R3HDM1: variants seen among roughly 807,000 people sequenced by gnomAD.
The protein encoded by R3HDM1 is R3H domain-containing protein 1.
A neutral mutation model predicts 141.1 loss-of-function variants in R3HDM1; 46 were observed. The observed-to-expected ratio is 0.33, with a 90% confidence interval of 0.26 to 0.42. R3HDM1 has a LOEUF of 0.42. Among genes scored for constraint, R3HDM1 ranks in the 10% least tolerant of loss-of-function variants. R3HDM1 has a pLI of 1.00. For synonymous variants in R3HDM1, 435 were observed against 472.9 expected, an observed-to-expected ratio of 0.92 and a Z score of 1.04; for missense variants, 1,184 against 1,368.3, an observed-to-expected ratio of 0.87 and a Z score of 2.12.
intron 1 of R3HDM1, among the ~76,000 whole-genome samples, chr2:135,569,255 C>T (rs530551086): frequency 2.2e-4 from 33 of 152,046 alleles, no homozygotes; most frequent in African/African-American, 7.7e-4. Flanking sequence ...GAGGCCGAGG[C>T]GGGTGGATCA....
intron 1 of R3HDM1, among the ~76,000 whole-genome samples, chr2:135,547,577 T>C (rs959020614): frequency 4.6e-5 from 7 of 151,806 alleles, no homozygotes; most frequent in African/African-American, 1.5e-4. Context: ...TGGAATCTTA[T>C]GTCCCGCTCA....
chr2:135,696,351 G>A (rs2105393654), intron 21 of R3HDM1, among the ~76,000 whole-genome samples: 1 of 152,300 alleles, frequency 6.6e-6, no homozygotes, highest in African/African-American at 2.4e-5. Context: ...GGGGAAGAAG[G>A]GAAGGTGGGA....
At chr2:135,599,434 C>CT (rs2059445385) in intron 1 of R3HDM1, among the ~76,000 whole-genome samples, 2 of 152,084 alleles carry the variant, frequency 1.3e-5, no homozygotes, top group Admixed American at 1.3e-4. Flanking sequence ...ATTTTTTTCT[C>CT]TAAGTTGTCT....
chr2:135,595,703 G>C (rs1710495351), intron 1 of R3HDM1, among the ~76,000 whole-genome samples: 2 of 152,094 alleles, frequency 1.3e-5, no homozygotes, highest in Admixed American at 1.3e-4. Context: ...AAGCATTTTA[G>C]GTTCTAGGAT....
At chr2:135,719,992 T>C (rs1001492891) in intron 24 of R3HDM1, among the ~76,000 whole-genome samples, 1 of 152,124 alleles carries the variant, frequency 6.6e-6, no homozygotes, top group Non-Finnish European at 1.5e-5. Flanking sequence ...ATTACAGGCA[T>C]GTGCCATACG....
intron 20 of R3HDM1, among the ~76,000 whole-genome samples, chr2:135,678,841 A>T (rs1488811774): frequency 7.0e-6 from 1 of 143,306 alleles, no homozygotes; most frequent in Non-Finnish European, 1.5e-5. Context: ...ACTCACTGCA[A>T]CCTCCACCTT....
At chr2:135,645,568 C>A in intron 16 of R3HDM1, 41 bp downstream of exon 16, 1 of 1,593,206 alleles carries the variant, frequency 6.3e-7, no homozygotes, top group South Asian at 1.1e-5. Flanking sequence ...GTTGACTTGC[C>A]TTTACATATT....
intron 26 of R3HDM1, 113 bp downstream of exon 26, chr2:135,722,666 ATT>A (rs2076806910): frequency 9.7e-7 from 1 of 1,029,672 alleles, no homozygotes; most frequent in Non-Finnish European, 1.4e-6. Flanking sequence ...AAAAGTCATA[ATT>A]TTTGCCATCT....
At chr2:135,715,437 G>C in intron 23 of R3HDM1, 113 bp from the exon 24 acceptor site, 2 of 1,196,908 alleles carry the variant, frequency 1.7e-6, no homozygotes, top group South Asian at 3.6e-5. Flanking sequence ...CAGATCACAT[G>C]CTTCTATAAT....
intron 24 of R3HDM1, among the ~76,000 whole-genome samples, chr2:135,720,299 TC>T (rs976672367): frequency 1.3e-5 from 2 of 152,216 alleles, no homozygotes; most frequent in African/African-American, 4.8e-5. Context: ...TTCACTGTGT[TC>T]ACCCGGAAGG....
At chr2:135,551,573 G>A (rs1358057463) in intron 1 of R3HDM1, among the ~76,000 whole-genome samples, 1 of 152,116 alleles carries the variant, frequency 6.6e-6, no homozygotes, top group Non-Finnish European at 1.5e-5. Context: ...ATAATTGAGT[G>A]TACATTAAAA....
intron 9 of R3HDM1, among the ~76,000 whole-genome samples, chr2:135,635,259 A>G (rs535831231): frequency 1.2e-4 from 19 of 152,338 alleles, no homozygotes; most frequent in Middle Eastern, 3.4e-3. Flanking sequence ...ACACCAAACT[A>G]GGTACCATAG....
chr2:135,559,593 G>A (rs1701424498), intron 1 of R3HDM1, among the ~76,000 whole-genome samples: 1 of 152,176 alleles, frequency 6.6e-6, no homozygotes, highest in African/African-American at 2.4e-5. Flanking sequence ...CTTAATCTCT[G>A]TATTATCAAT....
At chr2:135,573,271 T>A (rs1704568477) in intron 1 of R3HDM1, among the ~76,000 whole-genome samples, 1 of 152,106 alleles carries the variant, frequency 6.6e-6, no homozygotes, top group Non-Finnish European at 1.5e-5. Context: ...AAATATAGAA[T>A]AAGAAGGACA....
At chr2:135,650,105 T>G (rs1015572568) in intron 17 of R3HDM1, 102 bp downstream of exon 17, 315 of 1,017,382 alleles carry the variant, frequency 3.1e-4, no homozygotes, top group Non-Finnish European at 3.6e-4. Flanking sequence ...TGATTTTTTT[T>G]GGGTCAGGTT....
rs1694683943 is a variant in R3HDM1, at chr2:135,531,568, C to T, written c.-315C>T. 4.1e-6 allele frequency: 4 copies of T among 986,358 alleles called. No individual in the cohort carries two copies. The highest frequency in any genetic ancestry group is 4.8e-6 in the Non-Finnish European group (4 of 830,410). 61.1% of individuals were successfully genotyped at this position (986,358 alleles called of 1,614,324 possible). ...CCTTTCGTAAGACTCTTACTTGCACCCACCCAGCCCCGCCGTCGCCCCGCC... is the reference window on the plus strand; with the variant it reads ...CCTTTCGTAAGACTCTTACTTGCACTCACCCAGCCCCGCCGTCGCCCCGCC... On this transcript the variant is annotated 5_prime_UTR_variant, in exon 1 of 27. Transcript: ENST00000683871.
chr2:135,660,516 G>T (rs1055488242), intron 18 of R3HDM1, among the ~76,000 whole-genome samples: 29 of 152,122 alleles, frequency 1.9e-4, no homozygotes, highest in Non-Finnish European at 4.3e-4. Context: ...GAAAGTTAAA[G>T]ATTTTGGAGC....
At chr2:135,582,275 G>T (rs181341834) in intron 1 of R3HDM1, among the ~76,000 whole-genome samples, 1,571 of 152,292 alleles carry the variant, frequency 0.01, 24 homozygotes, top group African/African-American at 0.036. Context: ...AGGTTGCAGT[G>T]AGCCGAGATT....
intron 24 of R3HDM1, among the ~76,000 whole-genome samples, chr2:135,716,118 C>T (rs1559507210): frequency 6.6e-6 from 1 of 152,014 alleles, no homozygotes; most frequent in Non-Finnish European, 1.5e-5. Context: ...CTTGAGGCCA[C>T]TCAAGACCCT....
Sources: gnomAD v4.1 joint callset for allele counts (sites outside exome capture counted in the v4.1 genomes callset) on GRCh38, gnomAD v4.1.1 for gene constraint, MANE v1.5 for transcripts, NCBI Gene and HGNC (gene_info 2026-07-23, HGNC 2026-07-21) for gene names.